The following SLC24A2 variants were observed in gnomAD, a reference collection of about 807,000 sequenced individuals.
SLC24A2 encodes sodium/potassium/calcium exchanger 2.
SLC24A2 carries 36 observed loss-of-function variants against 62.0 expected under a neutral mutation model. That is an observed-to-expected ratio of 0.58 (90% CI 0.44 to 0.77). The LOEUF (loss-of-function observed/expected upper bound fraction) is 0.77. Ranked by LOEUF, SLC24A2 falls within the 30% of genes least tolerant of loss-of-function variation. The pLI is 0.00. For missense variants in SLC24A2, 846 were observed against 817.9 expected (o/e 1.03, Z -0.42); for synonymous variants, 358 against 294.0 (o/e 1.22, Z -2.23).
the SLC24A2 span, among the ~76,000 whole-genome samples, chr9:20,231,450 A>G: frequency 2.7e-3 from 410 of 152,238 alleles, 2 homozygotes; most frequent in African/African-American, 8.8e-3. Context: ...GGTCCTTCAC[A>G]TCCCTTTTAA....
chr9:19,710,884 T>C (rs1328700664), intron 2 of SLC24A2, among the ~76,000 whole-genome samples: 1 of 152,050 alleles, frequency 6.6e-6, no homozygotes, highest in African/African-American at 2.4e-5. Flanking sequence ...GCCAGTGAAA[T>C]GGATGACTAT....
chr9:20,197,692 A>G, the SLC24A2 span, among the ~76,000 whole-genome samples: 1 of 152,090 alleles, frequency 6.6e-6, no homozygotes, highest in Non-Finnish European at 1.5e-5. Context: ...TTGGCCTCCC[A>G]AAGTTCTGGG....
chr9:20,062,681 A>C, the SLC24A2 span, among the ~76,000 whole-genome samples: 1 of 130,080 alleles, frequency 7.7e-6, no homozygotes, highest in East Asian at 2.7e-4. Context: ...CAGCAAAAGA[A>C]ACTACCATCA....
chr9:20,262,879 G>A, the SLC24A2 span, among the ~76,000 whole-genome samples: 1 of 127,586 alleles, frequency 7.8e-6, no homozygotes, highest in Non-Finnish European at 1.6e-5. Context: ...ATTCTGCAGG[G>A]TTGGTTTTGA....
the SLC24A2 span, among the ~76,000 whole-genome samples, chr9:19,857,737 C>T: frequency 1.3e-4 from 16 of 125,022 alleles, no homozygotes; most frequent in Non-Finnish European, 2.6e-4. Context: ...ACTAACATTA[C>T]TTCAGTAGGT....
chr9:19,610,258 C>A (rs1380194048), intron 4 of SLC24A2, among the ~76,000 whole-genome samples: 1 of 152,168 alleles, frequency 6.6e-6, no homozygotes, highest in Non-Finnish European at 1.5e-5. Flanking sequence ...CAAGAGCCCA[C>A]AGAAAATAAG....
intron 2 of SLC24A2, among the ~76,000 whole-genome samples, chr9:19,665,929 G>A (rs1216486449): frequency 6.6e-6 from 1 of 152,094 alleles, no homozygotes; most frequent in African/African-American, 2.4e-5. Flanking sequence ...AAAGTGCTGG[G>A]ATTACAGGGG....
chr9:20,304,048 C>G, the SLC24A2 span, among the ~76,000 whole-genome samples: 1 of 152,160 alleles, frequency 6.6e-6, no homozygotes, highest in Non-Finnish European at 1.5e-5. Context: ...TAAAACAGTT[C>G]CAAGTACTAA....
the SLC24A2 span, among the ~76,000 whole-genome samples, chr9:19,833,618 C>A: frequency 3.9e-5 from 6 of 152,364 alleles, no homozygotes; most frequent in East Asian, 7.7e-4. Context: ...CTCAAGGAGG[C>A]CTGTCTGCCT....
At chr9:19,904,748 C>T in the SLC24A2 span, among the ~76,000 whole-genome samples, 1 of 152,164 alleles carries the variant, frequency 6.6e-6, no homozygotes, top group Non-Finnish European at 1.5e-5. Context: ...TGGGCATTTA[C>T]ATTTTTTGAC....
At chr9:19,905,036 TTTG>T in the SLC24A2 span, among the ~76,000 whole-genome samples, 1 of 152,164 alleles carries the variant, frequency 6.6e-6, no homozygotes, top group Non-Finnish European at 1.5e-5. Flanking sequence ...AATTAGATTT[TTTG>T]TTGTTGTTGT....
intron 7 of SLC24A2, among the ~76,000 whole-genome samples, chr9:19,551,191 A>G (rs192202228): frequency 1.3e-4 from 20 of 152,274 alleles, no homozygotes; most frequent in Non-Finnish European, 2.1e-4. Flanking sequence ...TAAATTCTAA[A>G]CCATTGTACT....
At chr9:20,284,806 A>G in the SLC24A2 span, among the ~76,000 whole-genome samples, 5 of 152,052 alleles carry the variant, frequency 3.3e-5, no homozygotes, top group Non-Finnish European at 7.4e-5. Flanking sequence ...ACTTCCCTTC[A>G]CTGATTAGGC....
Position 19,515,912 on chromosome 9 carries a change from G to GA in SLC24A2, c.*240dup, listed in dbSNP as rs1832903116. On this transcript the variant is annotated 3_prime_UTR_variant, in exon 11 of 11. Transcript: ENST00000341998. Reference sequence around the variant, plus strand: ...TGTACTTGTCAGTGGTGAATAGGGAGAAGCCCTGTATTGACGGTTCTCTTT... The same window carrying GA: ...TGTACTTGTCAGTGGTGAATAGGGAGAAAGCCCTGTATTGACGGTTCTCTTT... The GA allele has an allele frequency of 1.9e-6, 1 of 519,074 alleles. No homozygotes were observed. The highest frequency in any genetic ancestry group is 3.5e-6 in the Non-Finnish European group (1 of 286,862). 32.2% of individuals were successfully genotyped at this position (519,074 alleles called of 1,614,324 possible).
chr9:19,704,613 T>A (rs909106090), intron 2 of SLC24A2, among the ~76,000 whole-genome samples: 2 of 152,056 alleles, frequency 1.3e-5, no homozygotes, highest in African/African-American at 4.8e-5. Context: ...TCTGGAAAAA[T>A]AAACAGGAAC....
At chr9:19,858,858 G>C in the SLC24A2 span, among the ~76,000 whole-genome samples, 1 of 152,172 alleles carries the variant, frequency 6.6e-6, no homozygotes, top group South Asian at 2.1e-4. Context: ...GCAGATGCTG[G>C]CAAGATTGTG....
intron 2 of SLC24A2, among the ~76,000 whole-genome samples, chr9:19,722,700 C>G (rs1370357738): frequency 6.6e-6 from 1 of 151,432 alleles, no homozygotes; most frequent in Non-Finnish European, 1.5e-5. Context: ...CTTCAAGGTA[C>G]TAACTTTTAA....
At chr9:19,741,834 C>T (rs548228548) in intron 2 of SLC24A2, among the ~76,000 whole-genome samples, 1 of 152,250 alleles carries the variant, frequency 6.6e-6, no homozygotes, top group East Asian at 1.9e-4. Flanking sequence ...ACAGCTTTTG[C>T]TTCTTATCCC....
the SLC24A2 span, among the ~76,000 whole-genome samples, chr9:20,103,677 T>G: frequency 6.6e-6 from 1 of 152,106 alleles, no homozygotes; most frequent in Non-Finnish European, 1.5e-5. Flanking sequence ...AGAAAGGACA[T>G]CCACACAAAA....
Sources: allele counts gnomAD v4.1 joint callset (sites outside exome capture counted in the v4.1 genomes callset), GRCh38; gene constraint gnomAD v4.1.1; transcripts MANE v1.5; gene names NCBI Gene and HGNC (gene_info 2026-07-23, HGNC 2026-07-21).